LAMA3: variants seen among roughly 807,000 people sequenced by gnomAD.
LAMA3 encodes the protein laminin subunit alpha-3.
In LAMA3, 281 loss-of-function variants were observed where a neutral mutation model predicts 402.0. That is an observed-to-expected ratio of 0.70 (90% CI 0.63 to 0.77). The LOEUF (loss-of-function observed/expected upper bound fraction) is 0.77, where lower values mean the gene tolerates loss of function less well. Ranked by LOEUF, LAMA3 falls within the 30% of genes least tolerant of loss-of-function variation. The pLI, the probability that LAMA3 is intolerant of heterozygous loss-of-function variation, is 0.00. For missense variants in LAMA3, 3,840 were observed against 4,215.5 expected, an observed-to-expected ratio of 0.91 and a Z score of 2.47; for synonymous variants, 1,431 against 1,558.4, an observed-to-expected ratio of 0.92 and a Z score of 1.93.
chr18:23,789,173 A>G (rs553538871), intron 12 of LAMA3, among the ~76,000 whole-genome samples: 15 of 152,256 alleles, frequency 9.9e-5, no homozygotes, highest in African/African-American at 3.4e-4. Flanking sequence ...AGGCAATAAC[A>G]AGCGTTGGCA....
At chr18:23,792,729 G>A (rs1471351142) in intron 12 of LAMA3, among the ~76,000 whole-genome samples, 6 of 152,116 alleles carry the variant, frequency 3.9e-5, no homozygotes, top group Non-Finnish European at 5.9e-5. Context: ...GAGTATTGCC[G>A]CATTGGGAAT....
intron 60 of LAMA3, among the ~76,000 whole-genome samples, chr18:23,917,535 T>C (rs2081676599): frequency 6.6e-6 from 1 of 152,186 alleles, no homozygotes; most frequent in Non-Finnish European, 1.5e-5. Flanking sequence ...GCATCTATTA[T>C]TTTTTGACTT....
At chr18:23,845,734 C>T (rs972323141) in intron 30 of LAMA3, among the ~76,000 whole-genome samples, 1 of 152,230 alleles carries the variant, frequency 6.6e-6, no homozygotes, top group Non-Finnish European at 1.5e-5. Context: ...GGCTCTTAAG[C>T]AGCTGTGGAG....
In LAMA3 at chr18:23,753,713, T is replaced by C. The variant is rs754105676; in HGVS notation, c.856-8T>C. ...TGAAACTTGCATGTTCTGTGTTCTG[T>C]TGTGCAGTATTATTACAGCATAAAG... On this transcript the variant is annotated splice_region_variant and splice_polypyrimidine_tract_variant and intron_variant, in intron 5 of 74. Transcript: ENST00000313654. 2 of 1,608,822 alleles carry C rather than the reference T, an allele frequency of 1.2e-6. No homozygotes were observed. The highest frequency in any genetic ancestry group is 2.2e-5 in the South Asian group (2 of 90,940).
At chr18:23,705,167 G>T (rs2060862979) in intron 1 of LAMA3, among the ~76,000 whole-genome samples, 1 of 152,050 alleles carries the variant, frequency 6.6e-6, no homozygotes, top group South Asian at 2.1e-4. Context: ...ATGGCATTTG[G>T]TACAGAGTAG....
At chr18:23,933,680 A>C in intron 66 of LAMA3, 102 bp from the exon 67 acceptor site, 1 of 1,302,704 alleles carries the variant, frequency 7.7e-7, no homozygotes, top group Admixed American at 1.9e-5. Context: ...ACCCCTCTTC[A>C]TCCCCAAAAC....
At chr18:23,841,751 T>A (rs1489988058) in intron 27 of LAMA3, among the ~76,000 whole-genome samples, 2 of 152,090 alleles carry the variant, frequency 1.3e-5, no homozygotes, top group Non-Finnish European at 2.9e-5. Context: ...AGGAAGACCC[T>A]ATCTCTACAA....
rs1213448161 is a variant in LAMA3, at chr18:23,911,998, TTA to T, written c.7159-706_7159-705del. On this transcript the variant is annotated intron_variant, in intron 55 of 74. Transcript: ENST00000313654. ...ATATTTAATATATTAAAATGTATAT[TTA>T]TATATAAATATATATAATACATAAT... Among the ~76,000 whole-genome samples the T allele has an allele frequency of 6.7e-5, 9 of 135,062 alleles. No individual in the cohort carries two copies. In the East Asian group the frequency reaches 1.8e-3, roughly 26 times the overall value. The allele number at this position is 135,062 out of a possible 152,430, so 88.6% of individuals were successfully genotyped here. A position where few individuals can be genotyped will look rare whatever the true frequency, so the allele number is the denominator to read the frequency against.
At chr18:23,872,936 A>G in intron 38 of LAMA3, 7 of 1,425,178 alleles carry the variant, frequency 4.9e-6, no homozygotes, top group Non-Finnish European at 5.8e-6. Flanking sequence ...CCTGCCGCAG[A>G]CAGCCTTCCT....
intron 24 of LAMA3, chr18:23,834,196 T>C: frequency 3.3e-6 from 2 of 600,404 alleles, no homozygotes; most frequent in Admixed American, 2.6e-5. Context: ...TGTGGCATTT[T>C]CTTAAAAAGC....
intron 52 of LAMA3, among the ~76,000 whole-genome samples, chr18:23,906,891 A>T (rs2081266554): frequency 6.6e-6 from 1 of 152,198 alleles, no homozygotes; most frequent in Non-Finnish European, 1.5e-5. Flanking sequence ...AATCATCAAG[A>T]TGGTCTTAAA....
chr18:23,760,601 A>T (rs560569760), intron 7 of LAMA3, among the ~76,000 whole-genome samples: 1 of 152,346 alleles, frequency 6.6e-6, no homozygotes, highest in East Asian at 1.9e-4. Flanking sequence ...AAAGATGAAA[A>T]TCCCAAATGA....
At chr18:23,696,138 G>A (rs986888193) in intron 1 of LAMA3, among the ~76,000 whole-genome samples, 6 of 152,188 alleles carry the variant, frequency 3.9e-5, no homozygotes, top group African/African-American at 4.8e-5. Context: ...AAAGACATTG[G>A]TGGCAAAGAT....
In LAMA3 at chr18:23,954,625, C is replaced by G; in HGVS notation, c.9979C>G (p.Leu3327Val). Reference sequence around the variant, plus strand: ...CTTGGAAGTCCAGGGGCCTGTCAGTCTGAATGGTTGTCCTGACCAGTAACC... The same window carrying G: ...CTTGGAAGTCCAGGGGCCTGTCAGTGTGAATGGTTGTCCTGACCAGTAACC... The part of the protein sequence containing the change: ...EALEVQGPVS[L>V]NGCPDQ Residue 3327 changes from leucine to valine, a missense_variant, in exon 75 of 75, where the codon CTG becomes GTG. Physicochemically the swap from Leu to Val is conservative, Grantham distance 32 (BLOSUM62 1). This residue lies in a region of LAMA3 where 840 missense variants were observed against 981.9 expected (regional missense o/e 0.86). Coordinates refer to ENST00000313654, the MANE Select transcript of LAMA3 (RefSeq NM_198129.4). 1 of 1,614,078 alleles carries G rather than the reference C, an allele frequency of 6.2e-7. No individual in the cohort carries two copies. The highest frequency in any genetic ancestry group is 8.5e-7 in the Non-Finnish European group (1 of 1,179,982).
At chr18:23,806,634 T>C (rs2062968067) in intron 12 of LAMA3, among the ~76,000 whole-genome samples, 1 of 152,216 alleles carries the variant, frequency 6.6e-6, no homozygotes, top group Admixed American at 6.5e-5. Context: ...TCTTCCCATA[T>C]GTCCCCAAAG....
At chr18:23,754,371 C>T (rs1233718656) in intron 6 of LAMA3, among the ~76,000 whole-genome samples, 1 of 152,186 alleles carries the variant, frequency 6.6e-6, no homozygotes, top group Admixed American at 6.5e-5. Context: ...TCATGACTAT[C>T]CTAGGTACCT....
At chr18:23,794,369 A>C (rs1234856935) in intron 12 of LAMA3, among the ~76,000 whole-genome samples, 1 of 152,234 alleles carries the variant, frequency 6.6e-6, no homozygotes, top group Admixed American at 6.5e-5. Context: ...GTTACTAGCC[A>C]GAAACTGTGG....
chr18:23,841,225 A>AC (rs551432210), intron 27 of LAMA3, among the ~76,000 whole-genome samples: 9 of 152,002 alleles, frequency 5.9e-5, no homozygotes, highest in East Asian at 3.9e-4. Flanking sequence ...TGAACTATTT[A>AC]CCCCCCCGAG....
chr18:23,929,692 C>T (rs1277784746), intron 64 of LAMA3, among the ~76,000 whole-genome samples: 1 of 152,204 alleles, frequency 6.6e-6, no homozygotes, highest in African/African-American at 2.4e-5. Context: ...GTGGCTTGCT[C>T]ACCAGTCCTT....
Sources: gnomAD v4.1 joint callset for allele counts (sites outside exome capture counted in the v4.1 genomes callset) on GRCh38, gnomAD v4.1.1 for gene constraint, gnomAD v4.1.1 regional missense constraint, MANE v1.5 for transcripts, NCBI Gene and HGNC (gene_info 2026-07-23, HGNC 2026-07-21) for gene names.